Variants in CUX2 observed in about 807,000 individuals in gnomAD.
The protein encoded by CUX2 is cut like homeobox 2, also known as homeobox protein cut-like 2.
CUX2 carries 40 observed loss-of-function variants against 144.8 expected under a neutral mutation model. The ratio of observed to expected loss-of-function variants is 0.28; its 90% CI spans 0.21 to 0.36. CUX2 has a LOEUF of 0.36. Ranked by LOEUF, CUX2 falls within the 10% of genes least tolerant of loss-of-function variation. The pLI, the probability that CUX2 is intolerant of heterozygous loss-of-function variation, is 1.00. For synonymous variants in CUX2, 827 were observed against 875.6 expected (o/e 0.94, Z 0.98); for missense variants, 1,615 against 1,994.0 (o/e 0.81, Z 3.62).
At chr12:111,120,762 T>C (rs889374685) in intron 1 of CUX2, among the ~76,000 whole-genome samples, 8 of 151,974 alleles carry the variant, frequency 5.3e-5, no homozygotes, top group East Asian at 3.8e-4. Flanking sequence ...AGAGAAAATA[T>C]GTCGGGGTCC....
At chr12:111,318,245 C>CTTTT (rs541676829) in intron 16 of CUX2, among the ~76,000 whole-genome samples, 2 of 78,886 alleles carry the variant, frequency 2.5e-5, no homozygotes, top group African/African-American at 1.4e-4. Context: ...TTTCTTTTTT[C>CTTTT]TTTTTTTTTT....
chr12:111,344,499 TA>T (rs1740660004), intron 21 of CUX2, among the ~76,000 whole-genome samples: 3 of 152,198 alleles, frequency 2.0e-5, no homozygotes, highest in African/African-American at 7.2e-5. Flanking sequence ...GGGTTATAAT[TA>T]CAGAAGAACA....
intron 1 of CUX2, among the ~76,000 whole-genome samples, chr12:111,135,896 A>G (rs1875851845): frequency 6.6e-6 from 1 of 152,200 alleles, no homozygotes; most frequent in South Asian, 2.1e-4. Flanking sequence ...AGATAGAGGC[A>G]ATGGTTGTAC....
In CUX2 at chr12:111,039,857, G is replaced by T. The variant is rs1027108879; in HGVS notation, c.63+5617G>T. On this transcript the variant is annotated intron_variant, in intron 1 of 21. Coordinates refer to ENST00000261726, the MANE Select transcript of CUX2 (RefSeq NM_015267.4). This position sits in a 1 kb window ranked among gnomAD's most constrained non-coding sequence, Gnocchi z 4.2. ...CCCTTCTTTCTCCATCATGGTCGTG[G>T]TGGTGGGGCTATTGACCTTTTAAGC... Among the ~76,000 whole-genome samples the T allele has an allele frequency of 1.3e-5, 2 of 152,152 alleles. No homozygotes were observed. Among genetic ancestry groups the T allele is most frequent in the African/African-American group, 2.4e-5 (1 of 41,432 alleles).
chr12:111,125,399 G>A (rs1874995654), intron 1 of CUX2, among the ~76,000 whole-genome samples: 1 of 152,158 alleles, frequency 6.6e-6, no homozygotes, highest in Non-Finnish European at 1.5e-5. Flanking sequence ...GGCTGGTCTT[G>A]AACTCTTGGA....
chr12:111,152,795 A>C (rs1877132524), intron 1 of CUX2, among the ~76,000 whole-genome samples: 2 of 152,292 alleles, frequency 1.3e-5, no homozygotes, highest in South Asian at 4.1e-4. Context: ...GGACGGGGGA[A>C]GGAGGTGTTA....
intron 1 of CUX2, among the ~76,000 whole-genome samples, chr12:111,146,638 C>CAT (rs3061089): frequency 1 from 152,105 of 152,306 alleles, 75,952 homozygotes; most frequent in Middle Eastern, 1. Flanking sequence ...GGGTTAGTAA[C>CAT]GTGTATTTGA....
intron 1 of CUX2, among the ~76,000 whole-genome samples, chr12:111,124,438 C>T (rs1036091020): frequency 1.7e-4 from 26 of 152,238 alleles, no homozygotes; most frequent in Non-Finnish European, 2.6e-4. Flanking sequence ...TTCTTGGCCT[C>T]CGTGCAGCCT....
chr12:111,317,756 G>A (rs3896484), intron 16 of CUX2, among the ~76,000 whole-genome samples: 1 of 152,174 alleles, frequency 6.6e-6, no homozygotes, highest in Non-Finnish European at 1.5e-5. Context: ...AGCACTTTAG[G>A]AGGCCAAGGT....
At chr12:111,297,909 G>A (rs1010869459) in intron 8 of CUX2, among the ~76,000 whole-genome samples, 1 of 152,142 alleles carries the variant, frequency 6.6e-6, no homozygotes, top group African/African-American at 2.4e-5. Flanking sequence ...CCTTTATCCA[G>A]GGTAGTCAGG....
chr12:111,128,964 A>G (rs1024628111), intron 1 of CUX2, among the ~76,000 whole-genome samples: 10 of 152,128 alleles, frequency 6.6e-5, no homozygotes, highest in Admixed American at 2.6e-4. Flanking sequence ...CACTCCACAC[A>G]TGGGTGGAAT....
At chr12:111,283,218 T>TAA (rs35420677) in intron 4 of CUX2, among the ~76,000 whole-genome samples, 46 of 144,546 alleles carry the variant, frequency 3.2e-4, no homozygotes, top group African/African-American at 1.0e-3. Context: ...ACTCTTGTCT[T>TAA]AAAAAAAAAA....
At chr12:111,071,865 G>C (rs1871265788) in intron 1 of CUX2, among the ~76,000 whole-genome samples, 1 of 152,184 alleles carries the variant, frequency 6.6e-6, no homozygotes, top group South Asian at 2.1e-4. Context: ...TTGTTGAAAA[G>C]ACAAATATCT....
At chr12:111,275,954 G>A (rs1340065582) in intron 4 of CUX2, among the ~76,000 whole-genome samples, 1 of 152,024 alleles carries the variant, frequency 6.6e-6, no homozygotes, top group Non-Finnish European at 1.5e-5. Flanking sequence ...TTTTCTCCTT[G>A]CCTTTATTTT....
intron 1 of CUX2, among the ~76,000 whole-genome samples, chr12:111,040,695 GTCTC>G (rs1566184962): frequency 6.6e-6 from 1 of 152,098 alleles, no homozygotes; most frequent in African/African-American, 2.4e-5. Context: ...TCAGGGTATG[GTCTC>G]TCTCTACACA....
chr12:111,087,921 G>GTGGT (rs1872331331), intron 1 of CUX2, among the ~76,000 whole-genome samples: 1 of 152,188 alleles, frequency 6.6e-6, no homozygotes, highest in African/African-American at 2.4e-5. Context: ...CACCAGGCCA[G>GTGGT]TGGTTCAACT....
chr12:111,225,311 T>C (rs375378679), intron 3 of CUX2, among the ~76,000 whole-genome samples: 2 of 152,286 alleles, frequency 1.3e-5, no homozygotes, highest in African/African-American at 4.8e-5. Flanking sequence ...ATGAGCCCCA[T>C]GATGAAGTTT....
intron 1 of CUX2, among the ~76,000 whole-genome samples, chr12:111,161,896 G>T (rs1195369410): frequency 1.3e-5 from 2 of 152,100 alleles, no homozygotes; most frequent in Non-Finnish European, 2.9e-5. Context: ...AAACATACCC[G>T]GCTGATTTTT....
At chr12:111,137,379 G>A (rs1238627631) in intron 1 of CUX2, among the ~76,000 whole-genome samples, 4 of 148,566 alleles carry the variant, frequency 2.7e-5, no homozygotes, top group East Asian at 1.9e-4. Flanking sequence ...TGATGTTGTC[G>A]TTGTTGTTGA....
Sources: gnomAD v4.1 joint callset for allele counts (sites outside exome capture counted in the v4.1 genomes callset) on GRCh38, gnomAD v4.1.1 for gene constraint, Gnocchi (gnomAD v3.1) non-coding constraint, MANE v1.5 for transcripts, NCBI Gene and HGNC (gene_info 2026-07-23, HGNC 2026-07-21) for gene names.